The following ULK4 variants were observed in gnomAD, a reference collection of about 807,000 sequenced individuals.
ULK4 encodes the protein unc-51 like kinase 4.
ULK4 carries 133 observed loss-of-function variants against 160.6 expected under a neutral mutation model. The ratio of observed to expected loss-of-function variants is 0.83; its 90% CI spans 0.72 to 0.96. ULK4 has a LOEUF of 0.96. ULK4 is among the 40% of genes least tolerant of loss of function. ULK4 has a pLI of 0.00. For synonymous variants in ULK4, 534 were observed against 539.8 expected, an observed-to-expected ratio of 0.99 and a Z score of 0.15; for missense variants, 1,580 against 1,499.5, an observed-to-expected ratio of 1.05 and a Z score of -0.89.
chr3:41,599,238 T>G (rs533425050), intron 31 of ULK4, among the ~76,000 whole-genome samples: 3 of 152,214 alleles, frequency 2.0e-5, no homozygotes, highest in Non-Finnish European at 4.4e-5. Flanking sequence ...GAGGATGAGC[T>G]AATGTTTAGG....
At chr3:41,919,310 C>T (rs1699089252) in intron 6 of ULK4, among the ~76,000 whole-genome samples, 1 of 152,092 alleles carries the variant, frequency 6.6e-6, no homozygotes. Flanking sequence ...TATAAGGTCA[C>T]AGTTTTTTTG....
chr3:41,557,896 A>G (rs1029088065), intron 32 of ULK4, among the ~76,000 whole-genome samples: 3 of 152,178 alleles, frequency 2.0e-5, no homozygotes, highest in African/African-American at 4.8e-5. Flanking sequence ...CAAGAAATGC[A>G]TAAGACCTAT....
chr3:41,673,685 T>C lies in ULK4; in HGVS notation c.2978+7823A>G, dbSNP rs558050465. 1.2e-4 allele frequency among the ~76,000 whole-genome samples: 18 copies of C among 147,768 alleles called. No individual in the cohort carries two copies. The South Asian group carries it at 2.5e-3, about 21-fold the overall frequency. On this transcript the variant is annotated intron_variant, in intron 29 of 36. Coordinates refer to ENST00000301831, the MANE Select transcript of ULK4 (RefSeq NM_017886.4). ...ACACTCAAACCTAAATATATATATATATACATACATACATATATATATAAC... is the reference window on the plus strand; with the variant it reads ...ACACTCAAACCTAAATATATATATACATACATACATACATATATATATAAC...
chr3:41,501,681 C>G (rs759102265), intron 32 of ULK4, among the ~76,000 whole-genome samples: 2 of 152,134 alleles, frequency 1.3e-5, no homozygotes, highest in African/African-American at 2.4e-5. Flanking sequence ...AAAATCTACT[C>G]TCTTGGCAAC....
At chr3:41,941,238 T>G (rs1699943323) in intron 2 of ULK4, among the ~76,000 whole-genome samples, 1 of 151,474 alleles carries the variant, frequency 6.6e-6, no homozygotes, top group African/African-American at 2.4e-5. Flanking sequence ...AGGTCTCACT[T>G]TGTTGCCCAA....
intron 5 of ULK4, among the ~76,000 whole-genome samples, chr3:41,922,314 C>T (rs1269894926): frequency 2.0e-5 from 3 of 152,000 alleles, no homozygotes; most frequent in African/African-American, 7.3e-5. Context: ...ACAGCAAAAC[C>T]CAGTTTACAA....
intron 35 of ULK4, among the ~76,000 whole-genome samples, chr3:41,291,393 GAA>G (rs2125702984): frequency 4.6e-5 from 1 of 21,596 alleles, no homozygotes; most frequent in South Asian, 1.4e-3. Flanking sequence ...GAAGGAAGGA[GAA>G]AGAAAAAGAA....
At chr3:41,873,021 T>G (rs1331638797) in intron 17 of ULK4, among the ~76,000 whole-genome samples, 1 of 151,960 alleles carries the variant, frequency 6.6e-6, no homozygotes, top group South Asian at 2.1e-4. Flanking sequence ...AGTATGGTGG[T>G]AGACACCTGT....
intron 30 of ULK4, among the ~76,000 whole-genome samples, chr3:41,647,682 A>T (rs982925093): frequency 1.3e-4 from 20 of 152,248 alleles, no homozygotes; most frequent in African/African-American, 4.8e-4. Flanking sequence ...GCCCGTTCTC[A>T]GATCTCCAGC....
At chr3:41,918,651 G>C (rs1258626099) in intron 6 of ULK4, 111 bp from the exon 7 acceptor site, 1 of 553,108 alleles carries the variant, frequency 1.8e-6, no homozygotes, top group African/African-American at 2.1e-5. Context: ...ACCCAGGCTG[G>C]AGTGCAGTGG....
chr3:41,912,962 A>G, intron 8 of ULK4, 63 bp from the exon 9 acceptor site: 1 of 1,488,694 alleles, frequency 6.7e-7, no homozygotes. Flanking sequence ...AATTCCCAAG[A>G]CATGTCCCAA....
Position 41,843,903 on chromosome 3 carries a change from G to A in ULK4, c.1657-7932C>T, listed in dbSNP as rs372167655. ...TGAGCTAGACACAAAGGTTCTCCAC[G>A]TCCCCACTAGATTAGCTAGATACAG... is the stretch of plus-strand genomic sequence containing the variant. On this transcript the variant is annotated intron_variant, in intron 17 of 36. Transcript: ENST00000301831. Among the ~76,000 whole-genome samples the A allele has an allele frequency of 4.3e-4, 66 of 152,128 alleles. No homozygotes were observed. In the South Asian group the frequency reaches 0.011, roughly 25 times the overall value.
chr3:41,551,064 C>CA (rs1007323105), intron 32 of ULK4, among the ~76,000 whole-genome samples: 5 of 118,458 alleles, frequency 4.2e-5, no homozygotes, highest in East Asian at 2.4e-4. Context: ...AACAAAAAAA[C>CA]AAAAAAAAAG....
chr3:41,533,145 C>G (rs947319313), intron 32 of ULK4, among the ~76,000 whole-genome samples: 6 of 152,096 alleles, frequency 3.9e-5, no homozygotes, highest in Non-Finnish European at 7.3e-5. Flanking sequence ...GTGAGCAAGC[C>G]CAGCTGACAC....
rs1046044139 is a variant in ULK4, at chr3:41,455,317, C to T, written c.3492+180G>A. 6.6e-5 allele frequency among the ~76,000 whole-genome samples: 10 copies of T among 152,176 alleles called. No homozygotes were observed. In the East Asian group the frequency reaches 1.9e-3, roughly 29 times the overall value. On this transcript the variant is annotated intron_variant, in intron 34 of 36. Coordinates refer to ENST00000301831, the MANE Select transcript of ULK4 (RefSeq NM_017886.4). ...TAAATATCTATTTAAATGAATAAGC[C>T]ACCTGGTTTTAAAATAAAGTAGAGA...
At chr3:41,954,461 T>C (rs1441586891) in intron 2 of ULK4, among the ~76,000 whole-genome samples, 161 bp downstream of exon 2, 1 of 152,180 alleles carries the variant, frequency 6.6e-6, no homozygotes, top group African/African-American at 2.4e-5. Context: ...TTATTACTCA[T>C]TATTCAGGAC....
Position 41,900,575 on chromosome 3 carries a change from G to A in ULK4, c.1287+150C>T, listed in dbSNP as rs190568527. On this transcript the variant is annotated intron_variant, in intron 13 of 36. Coordinates refer to ENST00000301831, the MANE Select transcript of ULK4 (RefSeq NM_017886.4). ...AAGGGCTGCAGACAGAGGGGGAGCT[G>A]CAAATGCAGACATGCAGCACAAATG... 4 of 621,362 alleles carry A rather than the reference G, an allele frequency of 6.4e-6. No homozygotes were observed. The East Asian group carries it at 1.2e-4, about 19-fold the overall frequency. The allele number at this position is 621,362 out of a possible 1,614,324, so 38.5% of individuals were successfully genotyped here.
chr3:41,660,235 T>G (rs1366562612), intron 30 of ULK4, among the ~76,000 whole-genome samples: 1 of 151,562 alleles, frequency 6.6e-6, no homozygotes, highest in African/African-American at 2.4e-5. Flanking sequence ...GCGGAGGTTG[T>G]GATGAGCCGA....
chr3:41,884,975 C>T (rs889253109), intron 16 of ULK4, among the ~76,000 whole-genome samples: 7 of 152,032 alleles, frequency 4.6e-5, no homozygotes, highest in South Asian at 4.1e-4. Flanking sequence ...CCCACCTCAA[C>T]CCCCCCAGCT....
Sources: allele counts gnomAD v4.1 joint callset (sites outside exome capture counted in the v4.1 genomes callset), GRCh38; gene constraint gnomAD v4.1.1; transcripts MANE v1.5; gene names NCBI Gene and HGNC (gene_info 2026-07-23, HGNC 2026-07-21).